AGBL4: variants seen among roughly 807,000 people sequenced by gnomAD.
The protein encoded by AGBL4 is AGBL carboxypeptidase 4, also known as cytosolic carboxypeptidase 6.
Under a neutral mutation model 66.4 loss-of-function variants are expected in AGBL4, and 58 were observed. The ratio of observed to expected loss-of-function variants is 0.87; its 90% CI spans 0.71 to 1.09. The LOEUF (loss-of-function observed/expected upper bound fraction) is 1.09, where lower values mean the gene tolerates loss of function less well. Among genes scored for constraint, AGBL4 ranks in the 50% least tolerant of loss-of-function variants. The pLI, the probability that AGBL4 is intolerant of heterozygous loss-of-function variation, is 0.00. For synonymous variants in AGBL4, 234 were observed against 222.9 expected (o/e 1.05, Z -0.44); for missense variants, 579 against 631.0 (o/e 0.92, Z 0.88).
At chr1:49,777,599 T>G (rs1450384478) in intron 2 of AGBL4, among the ~76,000 whole-genome samples, 1 of 152,138 alleles carries the variant, frequency 6.6e-6, no homozygotes, top group Admixed American at 6.6e-5. Context: ...ACTCCAAAGT[T>G]TATGCATACC....
At chr1:49,852,990 G>A (rs1297447272) in intron 1 of AGBL4, among the ~76,000 whole-genome samples, 1 of 152,136 alleles carries the variant, frequency 6.6e-6, no homozygotes, top group Non-Finnish European at 1.5e-5. Flanking sequence ...CCCAAATGAG[G>A]TGGAAAGAGA....
chr1:49,009,580 G>A (rs1246253909), intron 5 of AGBL4, among the ~76,000 whole-genome samples: 1 of 152,144 alleles, frequency 6.6e-6, no homozygotes, highest in African/African-American at 2.4e-5. Context: ...AACCAAAAAA[G>A]AGAATTTTAG....
intron 1 of AGBL4, among the ~76,000 whole-genome samples, chr1:49,973,976 TGAAA>T (rs1658355910): frequency 6.6e-6 from 1 of 152,162 alleles, no homozygotes; most frequent in South Asian, 2.1e-4. Context: ...AAATTATTCA[TGAAA>T]GAAAGATAAC....
At chr1:48,779,704 CTTTTTTTT>C (rs200375125) in intron 6 of AGBL4, among the ~76,000 whole-genome samples, 156 of 137,088 alleles carry the variant, frequency 1.1e-3, no homozygotes, top group Middle Eastern at 3.6e-3. Flanking sequence ...CTGTTCCTCT[CTTTTTTTT>C]TTTTTTTTTT....
intron 6 of AGBL4, among the ~76,000 whole-genome samples, chr1:48,707,321 A>G (rs2148513484): frequency 6.6e-6 from 1 of 152,176 alleles, no homozygotes; most frequent in South Asian, 2.1e-4. Flanking sequence ...CAACAACAAA[A>G]ACAGAAAAGA....
chr1:49,476,632 A>C lies in AGBL4; in HGVS notation c.282+220681T>G, dbSNP rs1157579925. On this transcript the variant is annotated intron_variant, in intron 3 of 13. Coordinates refer to ENST00000371839, the MANE Select transcript of AGBL4 (RefSeq NM_032785.4). The stretch of plus-strand genomic sequence containing the variant: ...TTACAATAGTTAGGTCTTCTTGTTG[A>C]ATTGAACACATTATCATTATATAAT... Among the ~76,000 whole-genome samples the C allele has an allele frequency of 2.6e-5, 4 of 152,046 alleles. No homozygotes were observed. The East Asian group carries it at 7.7e-4, about 29-fold the overall frequency.
At chr1:49,581,682 G>C (rs895539474) in intron 3 of AGBL4, among the ~76,000 whole-genome samples, 1 of 152,154 alleles carries the variant, frequency 6.6e-6, no homozygotes, top group African/African-American at 2.4e-5. Context: ...AGTTGTGCTG[G>C]ATATTTGAAT....
chr1:49,387,655 T>C (rs1019869325), intron 3 of AGBL4, among the ~76,000 whole-genome samples: 1 of 152,028 alleles, frequency 6.6e-6, no homozygotes, highest in African/African-American at 2.4e-5. Context: ...TCTTTACCAG[T>C]CTCTTAGTTT....
intron 11 of AGBL4, among the ~76,000 whole-genome samples, chr1:48,565,900 C>G (rs185871993): frequency 5.5e-4 from 83 of 152,272 alleles, no homozygotes; most frequent in African/African-American, 1.9e-3. Flanking sequence ...AAGTTCTTGG[C>G]CCTTGCTAAT....
At chr1:49,431,193 G>T (rs1645778240) in intron 3 of AGBL4, among the ~76,000 whole-genome samples, 1 of 152,080 alleles carries the variant, frequency 6.6e-6, no homozygotes, top group Non-Finnish European at 1.5e-5. Context: ...TTCAGCTTTA[G>T]AAGACACTGC....
rs369781561 is a variant in AGBL4 at position 49,164,773 on chromosome 1, G to A, written c.377+80997C>T. 3.4e-4 allele frequency among the ~76,000 whole-genome samples: 51 copies of A among 152,156 alleles called. 1 individual carries two copies. The South Asian group carries it at 9.6e-3, about 29-fold the overall frequency. On this transcript the variant is annotated intron_variant, in intron 4 of 13. Coordinates refer to ENST00000371839, the MANE Select transcript of AGBL4 (RefSeq NM_032785.4). ...CAGTTATGGAATATTATCTATCTTC[G>A]ATCTCCAGTCACTATGCCCACTCAC...
intron 5 of AGBL4, among the ~76,000 whole-genome samples, chr1:49,028,307 G>C (rs112919247): frequency 0.023 from 3,571 of 152,272 alleles, 113 homozygotes; most frequent in African/African-American, 0.082. Context: ...ATATTAACTG[G>C]ATCAGACTGT....
intron 11 of AGBL4, among the ~76,000 whole-genome samples, chr1:48,578,574 T>C (rs1307481045): frequency 6.6e-6 from 1 of 152,196 alleles, no homozygotes; most frequent in Non-Finnish European, 1.5e-5. Context: ...CCTACTCTTC[T>C]GTCCTCCACC....
chr1:48,549,145 G>A (rs1419888114), intron 11 of AGBL4, among the ~76,000 whole-genome samples: 1 of 152,208 alleles, frequency 6.6e-6, no homozygotes, highest in Non-Finnish European at 1.5e-5. Context: ...AAAGGGGGAA[G>A]ATTAATTGTG....
intron 3 of AGBL4, among the ~76,000 whole-genome samples, chr1:49,297,272 A>G (rs1460852823): frequency 6.6e-6 from 1 of 152,194 alleles, no homozygotes. Context: ...CTGAGATCTG[A>G]AGGATGAGTA....
intron 3 of AGBL4, among the ~76,000 whole-genome samples, chr1:49,377,445 G>T (rs1644494955): frequency 6.6e-6 from 1 of 152,080 alleles, no homozygotes; most frequent in African/African-American, 2.4e-5. Flanking sequence ...GCAAAGCAAA[G>T]ATTCAAATCT....
Position 48,534,181 on chromosome 1 carries a change from G to C in AGBL4, c.1504C>G (p.Pro502Ala). The C allele has an allele frequency of 1.3e-6, 2 of 1,551,446 alleles. No individual in the cohort carries two copies. The highest frequency in any genetic ancestry group is 1.7e-6 in the Non-Finnish European group (2 of 1,146,854). ...SSVNHKDPST[P>A]F The stretch of plus-strand genomic sequence containing the variant: ...CCCAGGACTCCGTGTCTTTAAAAAG[G>C]GGTTGAAGGGTCTTTGTGGTTCACT... The change falls in exon 14 of 14, where the codon CCT becomes GCT. Residue 502 changes from proline (P) to alanine (A), a missense_variant. Transcript: ENST00000371839.
At chr1:49,477,034 G>A (rs1338768188) in intron 3 of AGBL4, among the ~76,000 whole-genome samples, 3 of 152,058 alleles carry the variant, frequency 2.0e-5, no homozygotes, top group African/African-American at 7.2e-5. Context: ...TGATTTGAGT[G>A]TCAGATAGGC....
intron 4 of AGBL4, among the ~76,000 whole-genome samples, chr1:49,237,575 A>G (rs937682760): frequency 2.5e-5 from 3 of 117,890 alleles, no homozygotes; most frequent in African/African-American, 9.9e-5. Context: ...TATATATATA[A>G]AACCTATCAC....
Sources: allele counts gnomAD v4.1 joint callset (sites outside exome capture counted in the v4.1 genomes callset), GRCh38; gene constraint gnomAD v4.1.1; transcripts MANE v1.5; gene names NCBI Gene and HGNC (gene_info 2026-07-23, HGNC 2026-07-21).